The following CACNA2D2 variants were observed in gnomAD, a reference collection of about 807,000 sequenced individuals.
The protein encoded by CACNA2D2 is calcium voltage-gated channel auxiliary subunit alpha2delta 2.
Under a neutral mutation model 166.4 loss-of-function variants are expected in CACNA2D2, and 48 were observed. The ratio of observed to expected loss-of-function variants is 0.29; its 90% confidence interval spans 0.23 to 0.37. The LOEUF (loss-of-function observed/expected upper bound fraction) is 0.37. Among genes scored for constraint, CACNA2D2 ranks in the 10% least tolerant of loss-of-function variants. CACNA2D2 has a pLI of 1.00. For missense variants in CACNA2D2, 1,122 were observed against 1,433.0 expected (o/e 0.78, Z 3.50); for synonymous variants, 561 against 573.7 (o/e 0.98, Z 0.32).
chr3:50,447,258 G>C (rs58976377), intron 2 of CACNA2D2, among the ~76,000 whole-genome samples: 3,398 of 152,254 alleles, frequency 0.022, 143 homozygotes, highest in African/African-American at 0.077. Flanking sequence ...CTACAGGCTG[G>C]AGGCCTGGAT....
At chr3:50,397,678 T>C (rs1402549613) in intron 3 of CACNA2D2, among the ~76,000 whole-genome samples, 3 of 152,206 alleles carry the variant, frequency 2.0e-5, no homozygotes, top group Admixed American at 2.0e-4. Context: ...CAGCTGCACA[T>C]AGGCAGCCAG....
chr3:50,445,629 T>C (rs1261595275), intron 2 of CACNA2D2, among the ~76,000 whole-genome samples: 1 of 152,190 alleles, frequency 6.6e-6, no homozygotes, highest in Non-Finnish European at 1.5e-5. Context: ...TAAGGCTGTG[T>C]ATAGACTGAA....
intron 1 of CACNA2D2, among the ~76,000 whole-genome samples, chr3:50,491,107 G>A (rs1698501525): frequency 6.6e-6 from 1 of 152,196 alleles, no homozygotes; most frequent in Non-Finnish European, 1.5e-5. Flanking sequence ...ACTCAGTTCT[G>A]AGGGCAGAGA....
At chr3:50,488,646 A>G (rs1698392169) in intron 1 of CACNA2D2, among the ~76,000 whole-genome samples, 1 of 117,846 alleles carries the variant, frequency 8.5e-6, no homozygotes, top group Admixed American at 1.1e-4. Context: ...CCACCCCCCT[A>G]GCAAGAAGTG....
At chr3:50,412,673 G>A (rs905241465) in intron 3 of CACNA2D2, among the ~76,000 whole-genome samples, 4 of 152,190 alleles carry the variant, frequency 2.6e-5, no homozygotes, top group Admixed American at 2.6e-4. Flanking sequence ...TCTGAGGAGT[G>A]GGAATTTCTA....
At chr3:50,410,317 G>A (rs1224003070) in intron 3 of CACNA2D2, among the ~76,000 whole-genome samples, 1 of 152,248 alleles carries the variant, frequency 6.6e-6, no homozygotes, top group Admixed American at 6.5e-5. Context: ...AAGTTCTGTT[G>A]TGAGCCATCC....
chr3:50,367,292 G>T lies in CACNA2D2; in HGVS notation c.2401+102C>A. The stretch of plus-strand genomic sequence containing the variant: ...GTCTGCCCTGGCCTCAGCCAGCCTT[G>T]TGTTGGAGAGGGGCCTCAGACAGCA... On this transcript the variant is annotated intron_variant, in intron 27 of 37. Coordinates refer to ENST00000424201, the MANE Select transcript of CACNA2D2 (RefSeq NM_006030.4). The surrounding 1 kb of genome is among the most constrained non-coding windows in gnomAD (Gnocchi z 6.5). 1.7e-6 allele frequency: 2 copies of T among 1,174,038 alleles called. No individual in the cohort carries two copies. The highest frequency in any genetic ancestry group is 2.5e-6 in the Non-Finnish European group (2 of 796,572). 72.7% of individuals were successfully genotyped at this position (1,174,038 alleles called of 1,614,324 possible). A position where few individuals can be genotyped will look rare whatever the true frequency, so the allele number is the denominator to read the frequency against.
At chr3:50,424,254 G>A (rs990046950) in intron 3 of CACNA2D2, among the ~76,000 whole-genome samples, 4 of 152,200 alleles carry the variant, frequency 2.6e-5, no homozygotes, top group Non-Finnish European at 4.4e-5. Flanking sequence ...AGGGACCCTT[G>A]GCCACAGGTT....
intron 1 of CACNA2D2, among the ~76,000 whole-genome samples, chr3:50,495,915 G>A (rs1233641883): frequency 6.6e-6 from 1 of 152,234 alleles, no homozygotes; most frequent in African/African-American, 2.4e-5. Context: ...TCCACTGAAT[G>A]TAAATACCAT....
intron 3 of CACNA2D2, among the ~76,000 whole-genome samples, chr3:50,398,639 G>A (rs780764418): frequency 3.3e-5 from 5 of 152,132 alleles, no homozygotes; most frequent in African/African-American, 1.2e-4. Flanking sequence ...CACATCCTGG[G>A]GGGTAAGGGC....
chr3:50,448,078 C>T (rs556661487), intron 2 of CACNA2D2, among the ~76,000 whole-genome samples: 2 of 152,282 alleles, frequency 1.3e-5, no homozygotes, highest in East Asian at 1.9e-4. Flanking sequence ...TTCCCCCTAC[C>T]CTAGGGCCCT....
Position 50,379,714 on chromosome 3 carries a change from T to G in CACNA2D2, c.993+11A>C, listed in dbSNP as rs753334859. On this transcript the variant is annotated intron_variant, in intron 10 of 37. Coordinates refer to ENST00000424201, the MANE Select transcript of CACNA2D2 (RefSeq NM_006030.4). The surrounding 1 kb of genome is among the most constrained non-coding windows in gnomAD (Gnocchi z 6.5). The stretch of plus-strand genomic sequence containing the variant: ...GACCCATTTCACCCCGTCTGCCACC[T>G]TGGCACTCACCGAGGCCACATTCAC... The G allele has an allele frequency of 2.5e-6, 4 of 1,613,440 alleles. No homozygotes were observed. Among genetic ancestry groups the G allele is most frequent in the Non-Finnish European group, 3.4e-6 (4 of 1,179,652 alleles).
intron 1 of CACNA2D2, among the ~76,000 whole-genome samples, chr3:50,476,710 T>C (rs778970328): frequency 6.6e-6 from 1 of 152,196 alleles, no homozygotes; most frequent in Non-Finnish European, 1.5e-5. Context: ...AGGTCTCACC[T>C]GAGCAGTGGA....
At position 50,421,508 on chromosome 3, in the gene CACNA2D2, C is replaced by T. The variant is rs180771493; in HGVS notation, c.405+12805G>A. Among the ~76,000 whole-genome samples, 143 of 152,156 alleles carry T rather than the reference C, an allele frequency of 9.4e-4. 2 individuals carry two copies. In the East Asian group the frequency reaches 0.024, roughly 26 times the overall value. On this transcript the variant is annotated intron_variant, in intron 3 of 37. Coordinates refer to ENST00000424201, the MANE Select transcript of CACNA2D2 (RefSeq NM_006030.4). The stretch of plus-strand genomic sequence containing the variant: ...TCTCTCTTTAAATGTTTACTACTAA[C>T]CTGCTGGGCCTGGGGACAGGGTCTT...
chr3:50,384,186 G>C lies in CACNA2D2; in HGVS notation c.652+10C>G, dbSNP rs371427872. 4.5e-5 allele frequency: 73 copies of C among 1,613,442 alleles called. No individual in the cohort carries two copies. Among genetic ancestry groups the C allele is most frequent in the Admixed American group, 8.3e-5 (5 of 59,952 alleles). On this transcript the variant is annotated intron_variant, in intron 6 of 37. Coordinates refer to ENST00000424201, the MANE Select transcript of CACNA2D2 (RefSeq NM_006030.4). ...TGGGATGGGCTGTCCCGATTGCTCT[G>C]CACACTCACAGCCTTTGTAGATGTC...
chr3:50,440,630 C>A (rs939221773), intron 2 of CACNA2D2, among the ~76,000 whole-genome samples: 1 of 152,256 alleles, frequency 6.6e-6, no homozygotes, highest in Admixed American at 6.5e-5. Flanking sequence ...GGAGGTCACA[C>A]AGCAGTGTGG....
chr3:50,364,572 G>T lies in CACNA2D2; in HGVS notation c.*94C>A. The T allele has an allele frequency of 7.2e-7, 1 of 1,379,542 alleles. No homozygotes were observed. Among genetic ancestry groups the T allele is most frequent in the Non-Finnish European group, 9.6e-7 (1 of 1,046,534 alleles). 85.5% of individuals were successfully genotyped at this position (1,379,542 alleles called of 1,614,324 possible). ...AGCTCAGGTCCTTCAGTGAGGGAGGGACGAGGCTCTAAGGCGGGGAGTGTG... is the reference window on the plus strand; with the variant it reads ...AGCTCAGGTCCTTCAGTGAGGGAGGTACGAGGCTCTAAGGCGGGGAGTGTG... On this transcript the variant is annotated 3_prime_UTR_variant, in exon 38 of 38. Coordinates refer to ENST00000424201, the MANE Select transcript of CACNA2D2 (RefSeq NM_006030.4).
At chr3:50,419,207 C>A (rs1010743938) in intron 3 of CACNA2D2, among the ~76,000 whole-genome samples, 2 of 152,316 alleles carry the variant, frequency 1.3e-5, no homozygotes, top group Admixed American at 6.5e-5. Context: ...ATTTAGTGGG[C>A]TCCCTCTCTA....
At chr3:50,441,899 C>T (rs1490715257) in intron 2 of CACNA2D2, among the ~76,000 whole-genome samples, 1 of 152,180 alleles carries the variant, frequency 6.6e-6, no homozygotes, top group African/African-American at 2.4e-5. Flanking sequence ...GGAACTTTCC[C>T]ACACTCAGGA....
Sources: allele counts gnomAD v4.1 joint callset (sites outside exome capture counted in the v4.1 genomes callset), GRCh38; gene constraint gnomAD v4.1.1; non-coding constraint Gnocchi (gnomAD v3.1); transcripts MANE v1.5; gene names NCBI Gene and HGNC (gene_info 2026-07-23, HGNC 2026-07-21).